The following EDN1 variants were observed in gnomAD, a reference collection of about 807,000 sequenced individuals.
EDN1 encodes the protein endothelin-1.
A neutral mutation model predicts 21.7 loss-of-function variants in EDN1; 11 were observed. The ratio of observed to expected loss-of-function variants is 0.51; its 90% CI spans 0.32 to 0.84. EDN1 has a LOEUF of 0.84. Ranked by LOEUF, EDN1 falls within the 40% of genes least tolerant of loss-of-function variation. EDN1 has a pLI of 0.03. For missense variants in EDN1, 244 were observed against 262.3 expected, an observed-to-expected ratio of 0.93 and a Z score of 0.48; for synonymous variants, 85 against 90.6, an observed-to-expected ratio of 0.94 and a Z score of 0.35.
chr6:12,295,770 A>G lies in EDN1; in HGVS notation c.534-192A>G, dbSNP rs6917941. 0.016 allele frequency among the ~76,000 whole-genome samples: 2,413 copies of G among 152,224 alleles called. 53 individuals are homozygous for G. Among genetic ancestry groups the G allele is most frequent in the African/African-American group, 0.053 (2,195 of 41,528 alleles). On this transcript the variant is annotated intron_variant, in intron 4 of 4. Coordinates refer to ENST00000379375, the MANE Select transcript of EDN1 (RefSeq NM_001955.5). ...ATGACCCCTCGCTCCCATTCTAAGC[A>G]TAGGGGCAGGCTTTATTTTTACAAT...
chr6:12,263,956 T>G, the EDN1 span, among the ~76,000 whole-genome samples: 1 of 152,228 alleles, frequency 6.6e-6, no homozygotes, highest in Admixed American at 6.5e-5. Context: ...TGAATTGTTA[T>G]TTTGAACCTC....
At chr6:12,247,846 A>T in the EDN1 span, among the ~76,000 whole-genome samples, 2 of 151,980 alleles carry the variant, frequency 1.3e-5, no homozygotes, top group East Asian at 1.9e-4. Flanking sequence ...GCTCTAATGG[A>T]TGATTTCTAT....
chr6:12,284,986 A>T, the EDN1 span, among the ~76,000 whole-genome samples: 9 of 152,104 alleles, frequency 5.9e-5, no homozygotes, highest in Admixed American at 3.3e-4. Context: ...TTAGTTTCGG[A>T]TGTCACTCAT....
At chr6:12,269,471 A>G in the EDN1 span, among the ~76,000 whole-genome samples, 1 of 152,078 alleles carries the variant, frequency 6.6e-6, no homozygotes, top group Non-Finnish European at 1.5e-5. Context: ...TTTGTCATAT[A>G]TGGCCTTTAT....
the EDN1 span, among the ~76,000 whole-genome samples, chr6:12,276,296 A>T: frequency 6.6e-6 from 1 of 152,204 alleles, no homozygotes; most frequent in Admixed American, 6.5e-5. Flanking sequence ...AGTAGCAGAA[A>T]GAGAAAGGAA....
chr6:12,246,758 C>T, the EDN1 span, among the ~76,000 whole-genome samples: 1 of 150,646 alleles, frequency 6.6e-6, no homozygotes. Flanking sequence ...AGGAAAGAAC[C>T]CTGGATCATA....
the EDN1 span, among the ~76,000 whole-genome samples, chr6:12,246,919 A>T: frequency 6.6e-6 from 1 of 152,232 alleles, no homozygotes; most frequent in African/African-American, 2.4e-5. Flanking sequence ...AATTGTTATT[A>T]TGTAGCACTA....
the EDN1 span, among the ~76,000 whole-genome samples, chr6:12,238,406 C>A: frequency 6.6e-6 from 1 of 152,138 alleles, no homozygotes; most frequent in Non-Finnish European, 1.5e-5. Context: ...GCCCACTCTA[C>A]TCCCACTCAA....
chr6:12,245,241 T>C, the EDN1 span, among the ~76,000 whole-genome samples: 1 of 152,190 alleles, frequency 6.6e-6, no homozygotes, highest in Admixed American at 6.5e-5. Flanking sequence ...TACATAGGAC[T>C]TGATATCATC....
At chr6:12,246,822 A>G in the EDN1 span, among the ~76,000 whole-genome samples, 1 of 152,194 alleles carries the variant, frequency 6.6e-6, no homozygotes, top group Non-Finnish European at 1.5e-5. Context: ...CAGTCACATC[A>G]CTAACCTATC....
At chr6:12,257,980 A>C in the EDN1 span, among the ~76,000 whole-genome samples, 1 of 152,176 alleles carries the variant, frequency 6.6e-6, no homozygotes, top group Non-Finnish European at 1.5e-5. Context: ...TGAGGAGTGC[A>C]AAATAATTCT....
the EDN1 span, among the ~76,000 whole-genome samples, chr6:12,242,451 A>G: frequency 6.6e-6 from 1 of 152,184 alleles, no homozygotes; most frequent in Non-Finnish European, 1.5e-5. Context: ...GTGACTGTGT[A>G]GCCCTGGGAA....
the EDN1 span, among the ~76,000 whole-genome samples, chr6:12,275,626 C>G: frequency 6.6e-6 from 1 of 151,984 alleles, no homozygotes; most frequent in Non-Finnish European, 1.5e-5. Flanking sequence ...TTCTCACTTT[C>G]TTCTTAACAA....
chr6:12,238,757 G>C, the EDN1 span, among the ~76,000 whole-genome samples: 2 of 152,196 alleles, frequency 1.3e-5, no homozygotes, highest in Non-Finnish European at 2.9e-5. Context: ...AGAGGAAAGT[G>C]AAAGAATAGG....
the EDN1 span, among the ~76,000 whole-genome samples, chr6:12,276,617 A>T: frequency 6.6e-6 from 1 of 152,156 alleles, no homozygotes; most frequent in Admixed American, 6.5e-5. Context: ...AGGCTTCATA[A>T]ATATGTACGT....
At chr6:12,256,318 G>A in the EDN1 span, among the ~76,000 whole-genome samples, 20 of 152,172 alleles carry the variant, frequency 1.3e-4, no homozygotes, top group Non-Finnish European at 2.4e-4. Context: ...GCACCACTGC[G>A]CTCCAGCGTG....
At chr6:12,284,309 T>C in the EDN1 span, among the ~76,000 whole-genome samples, 1 of 152,206 alleles carries the variant, frequency 6.6e-6, no homozygotes, top group Admixed American at 6.5e-5. Flanking sequence ...TTGAGAATGA[T>C]TGAAGTTATT....
At chr6:12,273,147 C>A in the EDN1 span, among the ~76,000 whole-genome samples, 1 of 152,106 alleles carries the variant, frequency 6.6e-6, no homozygotes, top group African/African-American at 2.4e-5. Flanking sequence ...TTGCCCGGTG[C>A]TAAGGGAAAG....
At chr6:12,288,262 G>A (rs1561691228), upstream of EDN1, among the ~76,000 whole-genome samples, 4 of 151,932 alleles carry the variant, frequency 2.6e-5, no homozygotes, top group Non-Finnish European at 2.9e-5. Context: ...AGTAGGGGGA[G>A]TCCCTGCCAA....
Sources: gnomAD v4.1 joint callset for allele counts (sites outside exome capture counted in the v4.1 genomes callset) on GRCh38, gnomAD v4.1.1 for gene constraint, MANE v1.5 for transcripts, NCBI Gene and HGNC (gene_info 2026-07-23, HGNC 2026-07-21) for gene names.